Variants in MACROD2 observed in about 807,000 individuals in gnomAD.
MACROD2 encodes the protein ADP-ribose glycohydrolase MACROD2.
MACROD2 carries 36 observed loss-of-function variants against 70.4 expected under a neutral mutation model. The observed-to-expected ratio is 0.51, with a 90% CI of 0.39 to 0.68. The LOEUF is 0.68. Among genes scored for constraint, MACROD2 ranks in the 30% least tolerant of loss-of-function variants. The pLI is 0.00. For synonymous variants in MACROD2, 172 were observed against 178.8 expected, an observed-to-expected ratio of 0.96 and a Z score of 0.30; for missense variants, 496 against 538.4, an observed-to-expected ratio of 0.92 and a Z score of 0.78.
intron 5 of MACROD2, among the ~76,000 whole-genome samples, chr20:15,038,814 G>C (rs1008426985): frequency 6.6e-6 from 1 of 152,166 alleles, no homozygotes; most frequent in Non-Finnish European, 1.5e-5. Context: ...GCTATCATAG[G>C]AGTGAATCAG....
chr20:15,759,764 T>C (rs1168947361), intron 8 of MACROD2, among the ~76,000 whole-genome samples: 1 of 152,240 alleles, frequency 6.6e-6, no homozygotes, highest in African/African-American at 2.4e-5. Context: ...GTGGTTTTAA[T>C]AACTGTTTTA....
At chr20:14,422,659 T>C (rs893065691) in intron 3 of MACROD2, among the ~76,000 whole-genome samples, 1 of 152,226 alleles carries the variant, frequency 6.6e-6, no homozygotes, top group Non-Finnish European at 1.5e-5. Context: ...TAGTTAAACT[T>C]TGGTCACATA....
At chr20:14,622,013 G>T (rs6135210) in intron 4 of MACROD2, 1 of 152,078 alleles carries the variant, frequency 6.6e-6, no homozygotes, top group South Asian at 2.1e-4. Flanking sequence ...TTACCTAATA[G>T]GCTCTGGAAG....
intron 8 of MACROD2, among the ~76,000 whole-genome samples, chr20:15,566,862 T>G (rs914067815): frequency 6.6e-6 from 1 of 152,236 alleles, no homozygotes; most frequent in Admixed American, 6.5e-5. Flanking sequence ...TTACACTGTT[T>G]CCTTTCGTAG....
chr20:15,729,517 C>T (rs2050912855), intron 8 of MACROD2, among the ~76,000 whole-genome samples: 1 of 152,100 alleles, frequency 6.6e-6, no homozygotes, highest in Non-Finnish European at 1.5e-5. Context: ...GTGTGGTTAT[C>T]TACGTCTCTC....
At chr20:15,951,717 C>T (rs1438929351) in intron 12 of MACROD2, among the ~76,000 whole-genome samples, 7 of 152,016 alleles carry the variant, frequency 4.6e-5, no homozygotes, top group South Asian at 2.1e-4. Context: ...ATGTGCAAGG[C>T]GATATTTCTC....
intron 2 of MACROD2, among the ~76,000 whole-genome samples, chr20:14,034,468 T>C (rs568786643): frequency 6.6e-6 from 1 of 152,386 alleles, no homozygotes; most frequent in Admixed American, 6.5e-5. Context: ...TTTCCAGCCA[T>C]GGAATTGCTA....
At chr20:15,081,128 C>G (rs1384862901) in intron 5 of MACROD2, among the ~76,000 whole-genome samples, 1 of 152,052 alleles carries the variant, frequency 6.6e-6, no homozygotes, top group Non-Finnish European at 1.5e-5. Context: ...CAGGCTTTCA[C>G]TGAATGGTTT....
At chr20:15,752,865 G>A (rs981175178) in intron 8 of MACROD2, among the ~76,000 whole-genome samples, 3 of 152,100 alleles carry the variant, frequency 2.0e-5, no homozygotes, top group Admixed American at 2.0e-4. Flanking sequence ...GCCGGTCTTA[G>A]AGATGAGAGG....
chr20:14,297,139 A>T (rs1051443748), intron 3 of MACROD2, among the ~76,000 whole-genome samples: 1 of 151,832 alleles, frequency 6.6e-6, no homozygotes, highest in East Asian at 1.9e-4. Flanking sequence ...GTTTCTTCTT[A>T]CTGCTCCACT....
intron 6 of MACROD2, among the ~76,000 whole-genome samples, chr20:15,339,145 T>C (rs570650163): frequency 1.3e-5 from 2 of 151,876 alleles, no homozygotes; most frequent in South Asian, 4.1e-4. Context: ...TGTGTCTGTA[T>C]TTGGGTATGT....
At chr20:14,030,714 C>CAA (rs1269676271) in intron 2 of MACROD2, among the ~76,000 whole-genome samples, 1 of 151,818 alleles carries the variant, frequency 6.6e-6, no homozygotes, top group Non-Finnish European at 1.5e-5. Flanking sequence ...TATTTTTAAT[C>CAA]AAAAAAAGGT....
At position 14,125,547 on chromosome 20, in the gene MACROD2, C is replaced by A. The variant is rs555669048; in HGVS notation, c.271+39819C>A. Among the ~76,000 whole-genome samples, 453 of 152,152 alleles carry A rather than the reference C, an allele frequency of 3.0e-3. 2 individuals carry two copies. Among genetic ancestry groups the A allele is most frequent in the African/African-American group, 0.01 (427 of 41,534 alleles). Reference sequence around the variant, plus strand: ...ATCACCATAATTGTACCACTCAGAACAATTCTTAATATTTTTGTATGTGTA... The same window carrying A: ...ATCACCATAATTGTACCACTCAGAAAAATTCTTAATATTTTTGTATGTGTA... On this transcript the variant is annotated intron_variant, in intron 3 of 17. Coordinates refer to ENST00000684519, the MANE Select transcript of MACROD2 (RefSeq NM_001351661.2).
At chr20:15,066,645 C>T (rs1361372338) in intron 5 of MACROD2, among the ~76,000 whole-genome samples, 1 of 151,734 alleles carries the variant, frequency 6.6e-6, no homozygotes, top group East Asian at 2.0e-4. Flanking sequence ...TTTGGGAGGC[C>T]GAGGCGGGTA....
chr20:15,184,141 C>T (rs746243586), intron 5 of MACROD2, among the ~76,000 whole-genome samples: 10 of 152,114 alleles, frequency 6.6e-5, no homozygotes, highest in Admixed American at 1.3e-4. Context: ...TAATACTGTG[C>T]GGACCAACAC....
chr20:15,388,752 T>C lies in MACROD2; in HGVS notation c.541-42653T>C, dbSNP rs6105406. On this transcript the variant is annotated intron_variant, in intron 6 of 17. Coordinates refer to ENST00000684519, the MANE Select transcript of MACROD2 (RefSeq NM_001351661.2). Reference sequence around the variant, plus strand: ...GACAGCTAGTCAAGTTAAAGTCAAATGTTTAGGAGTCATTGCTGGTTATTA... The same window carrying C: ...GACAGCTAGTCAAGTTAAAGTCAAACGTTTAGGAGTCATTGCTGGTTATTA... Among the ~76,000 whole-genome samples the C allele has an allele frequency of 8.0e-3, 1,219 of 152,252 alleles. 15 individuals are homozygous for C. The highest frequency in any genetic ancestry group is 0.028 in the African/African-American group (1,158 of 41,546).
chr20:14,602,741 T>C (rs1476291477), intron 4 of MACROD2, among the ~76,000 whole-genome samples: 1 of 152,228 alleles, frequency 6.6e-6, no homozygotes, highest in Non-Finnish European at 1.5e-5. Context: ...CATTCTTCCC[T>C]ACCAGCCCAA....
intron 5 of MACROD2, among the ~76,000 whole-genome samples, chr20:15,211,933 G>A (rs1047397965): frequency 6.6e-6 from 1 of 152,132 alleles, no homozygotes. Context: ...TTAACATTTT[G>A]AGGAACTAAC....
chr20:14,207,643 C>T (rs2081535682), intron 3 of MACROD2, among the ~76,000 whole-genome samples: 1 of 152,134 alleles, frequency 6.6e-6, no homozygotes, highest in South Asian at 2.1e-4. Flanking sequence ...ACTCAGAAAG[C>T]TATTCGGTTA....
Sources: allele counts gnomAD v4.1 joint callset (sites outside exome capture counted in the v4.1 genomes callset), GRCh38; gene constraint gnomAD v4.1.1; transcripts MANE v1.5; gene names NCBI Gene and HGNC (gene_info 2026-07-23, HGNC 2026-07-21).